Variants in CAMTA1 observed in about 807,000 individuals in gnomAD.
CAMTA1 encodes the protein calmodulin-binding transcription activator 1.
A neutral mutation model predicts 170.9 loss-of-function variants in CAMTA1; 27 were observed. The observed-to-expected ratio is 0.16, with a 90% CI of 0.12 to 0.22. CAMTA1 has a LOEUF of 0.22. Ranked by LOEUF, CAMTA1 falls within the 10% of genes least tolerant of loss-of-function variation. The pLI, the probability that CAMTA1 is intolerant of heterozygous loss-of-function variation, is 1.00. For synonymous variants in CAMTA1, 833 were observed against 891.5 expected, an observed-to-expected ratio of 0.93 and a Z score of 1.17; for missense variants, 1,619 against 2,217.2, an observed-to-expected ratio of 0.73 and a Z score of 5.42.
chr1:6,955,583 G>A (rs958115154), intron 3 of CAMTA1, among the ~76,000 whole-genome samples: 5 of 152,170 alleles, frequency 3.3e-5, no homozygotes, highest in African/African-American at 7.2e-5. Flanking sequence ...TCAGGTGTGC[G>A]GTGGCAACCA....
Position 6,887,728 on chromosome 1 carries a change from C to T in CAMTA1, c.234+62518C>T. 2 of 1,535,316 alleles carry T rather than the reference C, an allele frequency of 1.3e-6. No homozygotes were observed. The highest frequency in any genetic ancestry group is 2.4e-5 in the East Asian group (1 of 40,920). On this transcript the variant is annotated intron_variant, in intron 3 of 22. Transcript: ENST00000303635. The surrounding 1 kb of genome is among the most constrained non-coding windows in gnomAD (Gnocchi z 4.1). ...AGAGCTGGAGCCATGAGGGCTGACACATTGGAATGAAAGCTGGCAGAATTC... is the reference window on the plus strand; with the variant it reads ...AGAGCTGGAGCCATGAGGGCTGACATATTGGAATGAAAGCTGGCAGAATTC...
intron 4 of CAMTA1, among the ~76,000 whole-genome samples, chr1:7,104,112 GTA>G (rs1558104556): frequency 9.3e-4 from 50 of 53,758 alleles, no homozygotes; most frequent in African/African-American, 3.5e-3. Flanking sequence ...CTACACACAT[GTA>G]CACACAACAC....
intron 4 of CAMTA1, among the ~76,000 whole-genome samples, chr1:7,243,951 G>A (rs1181275230): frequency 3.9e-5 from 6 of 152,112 alleles, no homozygotes; most frequent in Admixed American, 2.6e-4. Context: ...GAGTGAAAAG[G>A]CAACCTACAG....
In CAMTA1 at chr1:7,663,473, C is replaced by T. The variant is rs1417768010; in HGVS notation, c.926C>T (p.Ser309Leu). 1.3e-6 allele frequency: 2 copies of T among 1,596,190 alleles called. No individual in the cohort carries two copies. The highest frequency in any genetic ancestry group is 1.7e-5 in the Admixed American group (1 of 59,462). The stretch of plus-strand genomic sequence containing the variant: ...TCGGAGGTGCAGCACAATGACGTGT[C>T]GGAGGGCAAGCACGAGCACAGCCAC... ...SHSEVQHNDV[S>L]EGKHEHSHSK... Residue 309 changes from serine (S) to leucine (L), a missense_variant, in exon 9 of 23, where the codon TCG (serine) becomes TTG (leucine). This residue lies in a region of CAMTA1 where 731 missense variants were observed against 907.6 expected (regional missense o/e 0.81). Transcript: ENST00000303635.
At chr1:7,564,476 G>A (rs577479706) in intron 6 of CAMTA1, among the ~76,000 whole-genome samples, 7 of 152,234 alleles carry the variant, frequency 4.6e-5, no homozygotes, top group Non-Finnish European at 8.8e-5. Context: ...CTCCCATGCC[G>A]TGGGAAAACG....
chr1:7,182,496 G>GAAA (rs1170643135), intron 4 of CAMTA1, among the ~76,000 whole-genome samples: 4 of 98,416 alleles, frequency 4.1e-5, no homozygotes, highest in African/African-American at 6.5e-5. Context: ...CCCCATCTCA[G>GAAA]AAAAAAAAAA....
intron 4 of CAMTA1, among the ~76,000 whole-genome samples, chr1:7,109,020 C>T (rs1031068793): frequency 2.0e-5 from 3 of 152,246 alleles, no homozygotes; most frequent in Non-Finnish European, 4.4e-5. Flanking sequence ...TCCTTTCTAG[C>T]TGTTGGCCAG....
chr1:7,123,906 G>A (rs1314701827), intron 4 of CAMTA1, among the ~76,000 whole-genome samples: 2 of 152,180 alleles, frequency 1.3e-5, no homozygotes, highest in African/African-American at 2.4e-5. Flanking sequence ...GGAGGTGGCT[G>A]TGGGCTTCAC....
At position 7,425,174 on chromosome 1, in the gene CAMTA1, C is replaced by G. The variant is rs142918000; in HGVS notation, c.439-42656C>G. ...AAGGTCTCAAAGAGCCCACAGACCC[C>G]AGGCCAAGAGGCCTTGATCCAGGAC... On this transcript the variant is annotated intron_variant, in intron 5 of 22. Transcript: ENST00000303635. Among the ~76,000 whole-genome samples the G allele has an allele frequency of 4.8e-3, 732 of 152,310 alleles. 1 individual carries two copies. The highest frequency in any genetic ancestry group is 0.012 in the South Asian group (56 of 4,824).
At chr1:6,959,305 G>A (rs1456487381) in intron 3 of CAMTA1, among the ~76,000 whole-genome samples, 2 of 152,240 alleles carry the variant, frequency 1.3e-5, no homozygotes. Context: ...GCCTGTGGGA[G>A]GCTGGGGCAG....
chr1:6,926,521 T>C (rs899009902), intron 3 of CAMTA1, among the ~76,000 whole-genome samples: 4 of 145,598 alleles, frequency 2.7e-5, no homozygotes, highest in African/African-American at 1.0e-4. Context: ...TCCTTCCTTC[T>C]TTCTTTCTCT....
intron 3 of CAMTA1, among the ~76,000 whole-genome samples, chr1:6,978,566 G>A (rs1189660467): frequency 6.6e-6 from 1 of 151,956 alleles, no homozygotes; most frequent in East Asian, 1.9e-4. Context: ...CCCAGGAGTC[G>A]GAGGTTGCAG....
chr1:7,526,533 G>A (rs144108905), intron 6 of CAMTA1, among the ~76,000 whole-genome samples: 29 of 152,352 alleles, frequency 1.9e-4, no homozygotes, highest in African/African-American at 6.5e-4. Flanking sequence ...GGCCTCGTCG[G>A]GGTTCAGAAC....
rs535066946 is a variant in CAMTA1, at chr1:7,161,441, C to A, written c.302+70070C>A. ...GGCTGTGTCCCCACCCAAATCTCATCTTGAATTGGAACTCCCACAATTCCC... is the reference window on the plus strand; with the variant it reads ...GGCTGTGTCCCCACCCAAATCTCATATTGAATTGGAACTCCCACAATTCCC... On this transcript the variant is annotated intron_variant, in intron 4 of 22. Coordinates refer to ENST00000303635, the MANE Select transcript of CAMTA1 (RefSeq NM_015215.4). Among the ~76,000 whole-genome samples, 71 of 152,336 alleles carry A rather than the reference C, an allele frequency of 4.7e-4. 2 individuals are homozygous for A. The South Asian group carries it at 0.014, about 31-fold the overall frequency.
chr1:7,695,710 G>A (rs2096368422), intron 11 of CAMTA1, among the ~76,000 whole-genome samples: 1 of 152,132 alleles, frequency 6.6e-6, no homozygotes, highest in African/African-American at 2.4e-5. Context: ...GTGACCCAGG[G>A]TGCCAAAGAG....
Position 7,011,336 on chromosome 1 carries a change from G to A in CAMTA1, c.235-79968G>A, listed in dbSNP as rs148614588. On this transcript the variant is annotated intron_variant, in intron 3 of 22. Transcript: ENST00000303635. The stretch of plus-strand genomic sequence containing the variant: ...GCTGGGATTACATGCATGAGCTACT[G>A]TGCCCTGCCTGGATTGTAACTACTT... Among the ~76,000 whole-genome samples, 58 of 152,152 alleles carry A rather than the reference G, an allele frequency of 3.8e-4. 1 individual carries two copies. In the Middle Eastern group the frequency reaches 0.02, roughly 54 times the overall value.
intron 3 of CAMTA1, among the ~76,000 whole-genome samples, chr1:7,017,039 C>T (rs1221481624): frequency 6.6e-6 from 1 of 152,078 alleles, no homozygotes; most frequent in Non-Finnish European, 1.5e-5. Context: ...ACACAGGTGC[C>T]CACTTCTTAC....
intron 3 of CAMTA1, among the ~76,000 whole-genome samples, chr1:6,843,465 G>C (rs1177068345): frequency 6.6e-6 from 1 of 152,206 alleles, no homozygotes; most frequent in African/African-American, 2.4e-5. Flanking sequence ...CAAGAGGTTA[G>C]CTCAAACCTG....
rs975293278 is a variant in CAMTA1, at chr1:7,443,173, C to T, written c.439-24657C>T. Among the ~76,000 whole-genome samples, 9 of 152,238 alleles carry T rather than the reference C, an allele frequency of 5.9e-5. No individual in the cohort carries two copies. Among genetic ancestry groups the T allele is most frequent in the Non-Finnish European group, 8.8e-5 (6 of 68,048 alleles). On this transcript the variant is annotated intron_variant, in intron 5 of 22. Coordinates refer to ENST00000303635, the MANE Select transcript of CAMTA1 (RefSeq NM_015215.4). This position sits in a 1 kb window ranked among gnomAD's most constrained non-coding sequence, Gnocchi z 4.1. ...ATGACGGCTGCAAAGCATAAGGCTT[C>T]GGGTTCCCAGCTCAGTCACACATAA...
Sources: gnomAD v4.1 joint callset for allele counts (sites outside exome capture counted in the v4.1 genomes callset) on GRCh38, gnomAD v4.1.1 for gene constraint, gnomAD v4.1.1 regional missense constraint, Gnocchi (gnomAD v3.1) non-coding constraint, MANE v1.5 for transcripts, NCBI Gene and HGNC (gene_info 2026-07-23, HGNC 2026-07-21) for gene names.